SLC22A15: variants seen among roughly 807,000 people sequenced by gnomAD.
The protein encoded by SLC22A15 is solute carrier family 22 member 15, also known as flipt 1.
SLC22A15 carries 45 observed loss-of-function variants against 62.7 expected under a neutral mutation model. That is an observed-to-expected ratio of 0.72 (90% CI 0.56 to 0.92). The LOEUF (loss-of-function observed/expected upper bound fraction) is 0.92, where lower values mean the gene tolerates loss of function less well. Ranked by LOEUF, SLC22A15 falls within the 40% of genes least tolerant of loss-of-function variation. The pLI, the probability that SLC22A15 is intolerant of heterozygous loss-of-function variation, is 0.00. For synonymous variants in SLC22A15, 264 were observed against 267.0 expected, an observed-to-expected ratio of 0.99 and a Z score of 0.11; for missense variants, 622 against 665.6, an observed-to-expected ratio of 0.93 and a Z score of 0.72.
chr1:116,065,451 T>C (rs1658476885), intron 10 of SLC22A15, among the ~76,000 whole-genome samples: 1 of 152,164 alleles, frequency 6.6e-6, no homozygotes, highest in East Asian at 1.9e-4. Flanking sequence ...CCTACAACAT[T>C]ATAATACCCA....
chr1:115,977,076 T>A (rs1654343383), intron 1 of SLC22A15, among the ~76,000 whole-genome samples: 1 of 152,202 alleles, frequency 6.6e-6, no homozygotes, highest in Non-Finnish European at 1.5e-5. Flanking sequence ...GCTGCAAATA[T>A]GAAGGGAATT....
intron 2 of SLC22A15, among the ~76,000 whole-genome samples, chr1:116,016,600 C>G (rs1656542045): frequency 6.6e-6 from 1 of 152,146 alleles, no homozygotes. Flanking sequence ...CTTGACTTCT[C>G]TACTTAGATG....
At chr1:115,979,221 G>C (rs1373630035) in intron 1 of SLC22A15, among the ~76,000 whole-genome samples, 1 of 152,150 alleles carries the variant, frequency 6.6e-6, no homozygotes, top group African/African-American at 2.4e-5. Flanking sequence ...TTGGTTAACT[G>C]TTTTCTTGAA....
In SLC22A15 at chr1:116,053,403, G is replaced by A. The variant is rs182261730; in HGVS notation, c.1172-9359G>A. On this transcript the variant is annotated intron_variant, in intron 8 of 11. Transcript: ENST00000369503. ...AAGCCTCCAAGAAATATGGGACTAT[G>A]TGAAAAAACCAAATCTATGTCCGAT... Among the ~76,000 whole-genome samples, 808 of 152,324 alleles carry A rather than the reference G, an allele frequency of 5.3e-3. 2 individuals are homozygous for A. The highest frequency in any genetic ancestry group is 0.01 in the Middle Eastern group (3 of 294).
At chr1:116,002,224 G>C (rs1410562842) in intron 2 of SLC22A15, among the ~76,000 whole-genome samples, 2 of 152,166 alleles carry the variant, frequency 1.3e-5, no homozygotes, top group Non-Finnish European at 2.9e-5. Flanking sequence ...TGAGCTCCCT[G>C]GAGTTAGGGG....
chr1:116,048,022 A>C (rs1657970989), intron 8 of SLC22A15, among the ~76,000 whole-genome samples: 1 of 152,140 alleles, frequency 6.6e-6, no homozygotes, highest in African/African-American at 2.4e-5. Context: ...AACCCAATCC[A>C]ACAAAGACAA....
intron 8 of SLC22A15, among the ~76,000 whole-genome samples, chr1:116,060,074 T>C (rs865923199): frequency 4.8e-4 from 73 of 152,348 alleles, no homozygotes; most frequent in African/African-American, 1.8e-3. Context: ...GCCAATAATA[T>C]CTGATTTTCA....
intron 2 of SLC22A15, among the ~76,000 whole-genome samples, chr1:116,014,906 A>G (rs1419268806): frequency 2.6e-5 from 4 of 152,216 alleles, no homozygotes; most frequent in Admixed American, 2.6e-4. Flanking sequence ...AATTGAGTCT[A>G]GTCTGCTGAG....
intron 8 of SLC22A15, among the ~76,000 whole-genome samples, chr1:116,053,249 T>C (rs535731407): frequency 6.6e-6 from 1 of 152,074 alleles, no homozygotes; most frequent in East Asian, 1.9e-4. Context: ...GAGAACCACA[T>C]GAAGAATGCA....
intron 1 of SLC22A15, among the ~76,000 whole-genome samples, chr1:115,987,189 G>A (rs1392952883): frequency 9.0e-5 from 13 of 145,186 alleles, no homozygotes; most frequent in Admixed American, 6.2e-4. Flanking sequence ...TTTTTGAGAC[G>A]GAGTCTTGCT....
At chr1:115,986,336 C>T (rs1321991624) in intron 1 of SLC22A15, among the ~76,000 whole-genome samples, 1 of 151,970 alleles carries the variant, frequency 6.6e-6, no homozygotes. Context: ...AGGGAAATAG[C>T]AGTATAAATT....
chr1:116,030,995 G>C (rs1470494958), intron 5 of SLC22A15, among the ~76,000 whole-genome samples: 3 of 151,784 alleles, frequency 2.0e-5, no homozygotes, highest in Non-Finnish European at 2.9e-5. Context: ...CTAGGATTTA[G>C]AGCCATATCT....
chr1:115,985,064 T>C (rs529458199), intron 1 of SLC22A15, among the ~76,000 whole-genome samples: 1 of 152,210 alleles, frequency 6.6e-6, no homozygotes, highest in Non-Finnish European at 1.5e-5. Flanking sequence ...GTACATTGTT[T>C]ACAAAGTCTA....
intron 4 of SLC22A15, among the ~76,000 whole-genome samples, chr1:116,021,424 A>G (rs923949930): frequency 1.3e-5 from 2 of 152,358 alleles, no homozygotes; most frequent in African/African-American, 2.4e-5. Flanking sequence ...TAGATAGTAA[A>G]ATAAATGATT....
At chr1:116,054,893 A>G (rs1316908839) in intron 8 of SLC22A15, among the ~76,000 whole-genome samples, 4 of 152,014 alleles carry the variant, frequency 2.6e-5, no homozygotes, top group Non-Finnish European at 4.4e-5. Flanking sequence ...TCTCTGGGAC[A>G]CATTCAAAAT....
At chr1:115,995,386 G>C (rs920266690) in intron 2 of SLC22A15, among the ~76,000 whole-genome samples, 2 of 152,104 alleles carry the variant, frequency 1.3e-5, no homozygotes, top group African/African-American at 4.8e-5. Context: ...CAAGTAGCTG[G>C]GATTACAGGC....
At chr1:116,026,764 TGTGC>T in intron 4 of SLC22A15, 125 bp from the exon 5 acceptor site, 1 of 1,009,332 alleles carries the variant, frequency 9.9e-7, no homozygotes, top group South Asian at 2.1e-5. Flanking sequence ...TCTTTTCTGG[TGTGC>T]CTCTTATAGT....
intron 8 of SLC22A15, among the ~76,000 whole-genome samples, chr1:116,057,598 A>T (rs1163269598): frequency 6.6e-6 from 1 of 152,234 alleles, no homozygotes; most frequent in Non-Finnish European, 1.5e-5. Flanking sequence ...CTATAAAGAC[A>T]CATGCACACG....
chr1:116,065,732 T>C (rs1234168711), intron 10 of SLC22A15, among the ~76,000 whole-genome samples: 1 of 152,152 alleles, frequency 6.6e-6, no homozygotes, highest in East Asian at 1.9e-4. Flanking sequence ...GGGGAAATCC[T>C]AATTAGTAGT....
Sources: gnomAD v4.1 joint callset for allele counts (sites outside exome capture counted in the v4.1 genomes callset) on GRCh38, gnomAD v4.1.1 for gene constraint, MANE v1.5 for transcripts, NCBI Gene and HGNC (gene_info 2026-07-23, HGNC 2026-07-21) for gene names.